Variants in MAGI2 observed in about 807,000 individuals in gnomAD.
MAGI2 encodes the protein membrane-associated guanylate kinase, WW and PDZ domain-containing protein 2.
Under a neutral mutation model 133.3 loss-of-function variants are expected in MAGI2, and 35 were observed. The ratio of observed to expected loss-of-function variants is 0.26; its 90% CI spans 0.20 to 0.35. The LOEUF (loss-of-function observed/expected upper bound fraction) is 0.35. MAGI2 is among the 10% of genes least tolerant of loss of function. MAGI2 has a pLI of 1.00. For missense variants in MAGI2, 1,636 were observed against 1,863.4 expected (o/e 0.88, Z 2.25); for synonymous variants, 729 against 710.6 (o/e 1.03, Z -0.41).
Position 78,557,080 on chromosome 7 carries a change from C to CAAAAAAAAAAAAAAAAAAAAAAAAAA in MAGI2, c.539-35436_539-35435insTTTTTTTTTTTTTTTTTTTTTTTTTT, listed in dbSNP as rs796371005. ...TACTCCAGCCTGGGTGGCAGAGTCT[C>CAAAAAAAAAAAAAAAAAAAAAAAAAA]AAAAAAAAAAAAAAAAAAAAGAAAA... On this transcript the variant is annotated intron_variant, in intron 3 of 21. Coordinates refer to ENST00000354212, the MANE Select transcript of MAGI2 (RefSeq NM_012301.4). Among the ~76,000 whole-genome samples the CAAAAAAAAAAAAAAAAAAAAAAAAAA allele has an allele frequency of 3.9e-4, 16 of 40,898 alleles. 1 individual carries two copies. The highest frequency in any genetic ancestry group is 1.3e-3 in the African/African-American group (11 of 8,616). The allele number at this position is 40,898 out of a possible 152,430, so 26.8% of individuals were successfully genotyped here.
chr7:78,260,359 C>T (rs1584606340), intron 9 of MAGI2, among the ~76,000 whole-genome samples: 1 of 152,122 alleles, frequency 6.6e-6, no homozygotes, highest in South Asian at 2.1e-4. Flanking sequence ...CAGAAAGGGA[C>T]ATCATCAGGA....
At chr7:79,156,775 T>G (rs1823818848) in intron 1 of MAGI2, among the ~76,000 whole-genome samples, 1 of 152,150 alleles carries the variant, frequency 6.6e-6, no homozygotes, top group South Asian at 2.1e-4. Context: ...GTCACTCATA[T>G]TTGGCTCAGA....
chr7:78,244,835 A>T (rs1791589594), intron 10 of MAGI2, among the ~76,000 whole-genome samples: 1 of 152,218 alleles, frequency 6.6e-6, no homozygotes, highest in Non-Finnish European at 1.5e-5. Context: ...ATGGCAAAAA[A>T]AAAAGCTTTG....
chr7:78,495,609 A>T (rs1563082223), intron 5 of MAGI2, among the ~76,000 whole-genome samples: 2 of 152,202 alleles, frequency 1.3e-5, no homozygotes. Flanking sequence ...AAGTTTCACT[A>T]TGTTTTTCTA....
intron 2 of MAGI2, among the ~76,000 whole-genome samples, chr7:78,816,142 T>C: frequency 6.6e-6 from 1 of 152,200 alleles, no homozygotes; most frequent in African/African-American, 2.4e-5. Context: ...GTTGTCTGGA[T>C]AGAAGATTCC....
chr7:78,831,229 T>C (rs902519652), intron 2 of MAGI2, among the ~76,000 whole-genome samples: 1 of 152,154 alleles, frequency 6.6e-6, no homozygotes, highest in Non-Finnish European at 1.5e-5. Flanking sequence ...CTCATGTTTT[T>C]CCACTCTTCA....
rs562445687 is a variant in MAGI2 at position 79,011,492 on chromosome 7, C to G, written c.302-4286G>C. 3.3e-5 allele frequency among the ~76,000 whole-genome samples: 5 copies of G among 152,262 alleles called. No homozygotes were observed. In the East Asian group the frequency reaches 9.7e-4, roughly 29 times the overall value. ...GTCCCATCTAGTAAAGTAGTGTCATCTCTCACTCAGACATGACCATCAGCT... is the reference window on the plus strand; with the variant it reads ...GTCCCATCTAGTAAAGTAGTGTCATGTCTCACTCAGACATGACCATCAGCT... On this transcript the variant is annotated intron_variant, in intron 1 of 21. Transcript: ENST00000354212.
intron 2 of MAGI2, among the ~76,000 whole-genome samples, chr7:78,754,855 A>G (rs949085908): frequency 2.6e-5 from 4 of 152,236 alleles, no homozygotes; most frequent in African/African-American, 9.6e-5. Flanking sequence ...AAAAGACACC[A>G]GAGAATGAAG....
chr7:79,220,982 G>GGGA (rs1413114623), intron 1 of MAGI2, among the ~76,000 whole-genome samples: 1 of 151,980 alleles, frequency 6.6e-6, no homozygotes, highest in Non-Finnish European at 1.5e-5. Flanking sequence ...CCAGTAAACG[G>GGGA]GGAGGTCTGA....
chr7:79,400,354 T>C (rs1277635186), intron 1 of MAGI2, among the ~76,000 whole-genome samples: 2 of 152,106 alleles, frequency 1.3e-5, no homozygotes, highest in African/African-American at 4.8e-5. Context: ...GGAAAATCAA[T>C]TATGCTTTGA....
chr7:78,079,146 C>T (rs1815688885), intron 20 of MAGI2, 61 bp from the exon 21 acceptor site: 1 of 1,500,904 alleles, frequency 6.7e-7, no homozygotes, highest in South Asian at 1.2e-5. Context: ...GCATTGTCAA[C>T]AGATTAAAAA....
chr7:78,506,238 G>A (rs1231978048), intron 4 of MAGI2, among the ~76,000 whole-genome samples: 1 of 152,104 alleles, frequency 6.6e-6, no homozygotes, highest in East Asian at 1.9e-4. Flanking sequence ...CTGCCATGGT[G>A]GGTGGCAAGG....
chr7:78,342,114 G>GA lies in MAGI2; in HGVS notation c.1408+1663dup, dbSNP rs1034901007. ...ACAAAGAACTTAAACAAATTTACAA[G>GA]AAAAAAAAAACCCTATGAAAAAGTG... On this transcript the variant is annotated intron_variant, in intron 9 of 21. Coordinates refer to ENST00000354212, the MANE Select transcript of MAGI2 (RefSeq NM_012301.4). 4.0e-3 allele frequency among the ~76,000 whole-genome samples: 588 copies of GA among 145,706 alleles called. 1 individual carries two copies. The highest frequency in any genetic ancestry group is 0.012 in the African/African-American group (490 of 39,778).
chr7:78,422,241 C>T (rs1053086341), intron 6 of MAGI2, among the ~76,000 whole-genome samples: 6 of 152,022 alleles, frequency 3.9e-5, no homozygotes, highest in African/African-American at 1.5e-4. Context: ...ATGCCAGCTG[C>T]GGTACATGCG....
intron 1 of MAGI2, among the ~76,000 whole-genome samples, chr7:79,237,870 T>C (rs1832061918): frequency 6.6e-6 from 1 of 152,210 alleles, no homozygotes; most frequent in East Asian, 1.9e-4. Flanking sequence ...ACATATGCCT[T>C]TGATTGAATC....
At chr7:78,744,161 T>A (rs376141765) in intron 2 of MAGI2, among the ~76,000 whole-genome samples, 2 of 152,102 alleles carry the variant, frequency 1.3e-5, no homozygotes, top group East Asian at 3.8e-4. Flanking sequence ...TTTCAAGAGG[T>A]CAAAAAACCC....
chr7:78,443,472 C>A (rs1484308712), intron 6 of MAGI2, among the ~76,000 whole-genome samples: 2 of 152,140 alleles, frequency 1.3e-5, no homozygotes, highest in Non-Finnish European at 2.9e-5. Flanking sequence ...ATGCTATCCC[C>A]AGGCTTTAAA....
At chr7:79,367,657 C>T (rs560845770) in intron 1 of MAGI2, among the ~76,000 whole-genome samples, 1 of 151,872 alleles carries the variant, frequency 6.6e-6, no homozygotes, top group African/African-American at 2.4e-5. Flanking sequence ...GTTTTTAGCA[C>T]AGTACCTGGC....
chr7:79,064,902 C>A (rs1008570555), intron 1 of MAGI2, among the ~76,000 whole-genome samples: 3 of 151,978 alleles, frequency 2.0e-5, no homozygotes, highest in Non-Finnish European at 4.4e-5. Context: ...CCTCTTTGCC[C>A]CACTTTGGTC....
Sources: allele counts gnomAD v4.1 joint callset (sites outside exome capture counted in the v4.1 genomes callset), GRCh38; gene constraint gnomAD v4.1.1; transcripts MANE v1.5; gene names NCBI Gene and HGNC (gene_info 2026-07-23, HGNC 2026-07-21).